EPC2: variants seen among roughly 807,000 people sequenced by gnomAD.
EPC2 encodes the protein enhancer of polycomb 2, also known as enhancer of polycomb homolog 2.
Under a neutral mutation model 92.1 loss-of-function variants are expected in EPC2, and 14 were observed. The ratio of observed to expected loss-of-function variants is 0.15; its 90% CI spans 0.10 to 0.24. EPC2 has a LOEUF of 0.24. EPC2 is among the 10% of genes least tolerant of loss of function. The pLI is 1.00. For synonymous variants in EPC2, 340 were observed against 334.7 expected (o/e 1.02, Z -0.17); for missense variants, 755 against 971.5 (o/e 0.78, Z 2.96).
intron 1 of EPC2, among the ~76,000 whole-genome samples, chr2:148,675,615 T>C (rs1251916283): frequency 6.6e-6 from 1 of 152,210 alleles, no homozygotes; most frequent in Non-Finnish European, 1.5e-5. Flanking sequence ...TCTTTCTAGC[T>C]GGTGTTCATA....
rs1683672335 is a variant in EPC2, at chr2:148,777,617, A to G, written c.1721-4027A>G. Reference sequence around the variant, plus strand: ...CAGGACCTAAAGCTTTATAATCATTATGTTAGTGTAAAATCTGTGGAGGTA... The same window carrying G: ...CAGGACCTAAAGCTTTATAATCATTGTGTTAGTGTAAAATCTGTGGAGGTA... On this transcript the variant is annotated intron_variant, in intron 10 of 13. Coordinates refer to ENST00000258484, the MANE Select transcript of EPC2 (RefSeq NM_015630.4). 1.3e-5 allele frequency among the ~76,000 whole-genome samples: 2 copies of G among 152,184 alleles called. 1 individual carries two copies. The highest frequency in any genetic ancestry group is 4.1e-4 in the South Asian group (2 of 4,832).
chr2:148,747,094 T>A (rs1006827975), intron 3 of EPC2, among the ~76,000 whole-genome samples: 1 of 152,110 alleles, frequency 6.6e-6, no homozygotes, highest in Non-Finnish European at 1.5e-5. Context: ...AAACCCTCAG[T>A]GTTTTAATGT....
rs375796049 is a variant in EPC2 at position 148,690,333 on chromosome 2, A to G, written c.273A>G (p.Lys91=). Residue 91 remains lysine, a synonymous_variant, in exon 2 of 14, where the codon AAA becomes AAG. Transcript: ENST00000258484. Reference sequence around the variant, plus strand: ...TCAACTATTACAATCGCTTGTACAAAGGAGAGTTTAAACAGCCAAAACAGT... The same window carrying G: ...TCAACTATTACAATCGCTTGTACAAGGGAGAGTTTAAACAGCCAAAACAGT... The part of the protein sequence containing the change: ...SNVNYYNRLY[K]GEFKQPKQFI... 1.1e-5 allele frequency: 18 copies of G among 1,610,914 alleles called. No individual in the cohort carries two copies. The African/African-American group carries it at 1.6e-4, about 14-fold the overall frequency.
chr2:148,673,512 T>C (rs920524530), intron 1 of EPC2, among the ~76,000 whole-genome samples: 1 of 152,208 alleles, frequency 6.6e-6, no homozygotes, highest in South Asian at 2.1e-4. Flanking sequence ...ATTCTTCAAC[T>C]TCAGAAGTTC....
intron 13 of EPC2, 39 bp downstream of exon 13, chr2:148,785,040 C>T (rs1225405797): frequency 1.4e-6 from 2 of 1,444,686 alleles, no homozygotes; most frequent in East Asian, 2.5e-5. Context: ...TCCCTTTGTG[C>T]TGGCTGTCCT....
intron 2 of EPC2, among the ~76,000 whole-genome samples, chr2:148,696,872 TC>T (rs1681757374): frequency 6.6e-6 from 1 of 152,214 alleles, no homozygotes; most frequent in South Asian, 2.1e-4. Context: ...GTAACATAAT[TC>T]CATGGGCTGT....
chr2:148,742,388 T>A (rs968578708), intron 2 of EPC2, among the ~76,000 whole-genome samples: 4 of 152,210 alleles, frequency 2.6e-5, no homozygotes, highest in Admixed American at 2.6e-4. Context: ...GTGAAACCTA[T>A]TGTCTTATTA....
chr2:148,758,815 C>A (rs1683243791), intron 4 of EPC2, among the ~76,000 whole-genome samples: 1 of 152,118 alleles, frequency 6.6e-6, no homozygotes. Flanking sequence ...TCTTCTAACT[C>A]CTAATATGAC....
chr2:148,719,116 G>A (rs1046643808), intron 2 of EPC2, among the ~76,000 whole-genome samples: 2 of 151,860 alleles, frequency 1.3e-5, no homozygotes, highest in Admixed American at 6.6e-5. Flanking sequence ...TCTCTAAACT[G>A]GCTATTCTGG....
intron 2 of EPC2, among the ~76,000 whole-genome samples, chr2:148,729,928 T>C (rs955786099): frequency 1.3e-5 from 2 of 152,190 alleles, no homozygotes; most frequent in African/African-American, 4.8e-5. Context: ...TAATATAAAA[T>C]GTGAATTTTG....
chr2:148,649,878 CTG>C (rs1486525048), intron 1 of EPC2, among the ~76,000 whole-genome samples: 2 of 152,184 alleles, frequency 1.3e-5, no homozygotes, highest in African/African-American at 4.8e-5. Context: ...TTTGGTTAGA[CTG>C]TTAAATTATT....
intron 2 of EPC2, chr2:148,691,802 C>G (rs776808241): frequency 4.7e-5 from 33 of 701,412 alleles, no homozygotes; most frequent in Non-Finnish European, 8.5e-5. Context: ...ATACAAAATT[C>G]TTTGCTTTCC....
rs114554269 is a variant in EPC2, at chr2:148,731,036, G to T, written c.314-12586G>T. On this transcript the variant is annotated intron_variant, in intron 2 of 13. Coordinates refer to ENST00000258484, the MANE Select transcript of EPC2 (RefSeq NM_015630.4). ...AGTTAAGGATATCCTCTCTGCTTTC[G>T]TGTCTGTTCCTGCTGCTCTGTTTAG... 9.7e-3 allele frequency among the ~76,000 whole-genome samples: 1,476 copies of T among 152,080 alleles called. 33 individuals carry two copies. Among genetic ancestry groups the T allele is most frequent in the African/African-American group, 0.034 (1,404 of 41,474 alleles).
intron 1 of EPC2, among the ~76,000 whole-genome samples, chr2:148,671,287 AT>A (rs60048357): frequency 0.03 from 3,808 of 127,046 alleles, 58 homozygotes; most frequent in African/African-American, 0.066. Context: ...GTGGATTGTG[AT>A]TTTTTTTTTT....
intron 1 of EPC2, among the ~76,000 whole-genome samples, chr2:148,669,617 G>A (rs1191540876): frequency 6.6e-6 from 1 of 152,174 alleles, no homozygotes; most frequent in Non-Finnish European, 1.5e-5. Flanking sequence ...AGGGGATCGA[G>A]GCTGCAGTGC....
chr2:148,732,794 A>T (rs761223914), intron 2 of EPC2, among the ~76,000 whole-genome samples: 2 of 152,188 alleles, frequency 1.3e-5, no homozygotes, highest in Non-Finnish European at 2.9e-5. Context: ...CAAAATGATA[A>T]GTTTTTTTAT....
At chr2:148,686,111 A>G (rs1287486351) in intron 1 of EPC2, among the ~76,000 whole-genome samples, 1 of 152,202 alleles carries the variant, frequency 6.6e-6, no homozygotes, top group East Asian at 1.9e-4. Context: ...CATTTTACTC[A>G]CAGTAGAACT....
chr2:148,761,208 C>A (rs1416589060), intron 4 of EPC2, among the ~76,000 whole-genome samples: 1 of 152,176 alleles, frequency 6.6e-6, no homozygotes, highest in Admixed American at 6.5e-5. Flanking sequence ...TGGAGTGTTA[C>A]ATTTACATTG....
intron 10 of EPC2, among the ~76,000 whole-genome samples, chr2:148,778,400 G>A (rs1048413466): frequency 5.9e-5 from 9 of 151,974 alleles, no homozygotes; most frequent in East Asian, 1.9e-4. Context: ...ACCTCTTCCC[G>A]ATGTACTTTG....
Sources: allele counts gnomAD v4.1 joint callset (sites outside exome capture counted in the v4.1 genomes callset), GRCh38; gene constraint gnomAD v4.1.1; transcripts MANE v1.5; gene names NCBI Gene and HGNC (gene_info 2026-07-23, HGNC 2026-07-21).